The following TMCO4 variants were observed in gnomAD, a reference collection of about 807,000 sequenced individuals.
TMCO4 encodes the protein transmembrane and coiled-coil domain-containing protein 4.
A neutral mutation model predicts 64.7 loss-of-function variants in TMCO4; 58 were observed. The ratio of observed to expected loss-of-function variants is 0.90; its 90% CI spans 0.73 to 1.12. The LOEUF (loss-of-function observed/expected upper bound fraction) is 1.12, where lower values mean the gene tolerates loss of function less well. TMCO4 is among the 50% of genes most tolerant of loss of function. The pLI is 0.00. For missense variants in TMCO4, 780 were observed against 825.9 expected (o/e 0.94, Z 0.68); for synonymous variants, 325 against 346.1 (o/e 0.94, Z 0.68).
chr1:19,765,561 C>G (rs1427503093), intron 6 of TMCO4, among the ~76,000 whole-genome samples: 1 of 152,086 alleles, frequency 6.6e-6, no homozygotes, highest in African/African-American at 2.4e-5. Context: ...AATAGCCCCC[C>G]ACAACAGAAT....
intron 10 of TMCO4, among the ~76,000 whole-genome samples, chr1:19,741,742 C>CTTT (rs11404111): frequency 7.0e-6 from 1 of 142,204 alleles, no homozygotes; most frequent in Non-Finnish European, 1.5e-5. Flanking sequence ...TTCTTTCTTT[C>CTTT]TTTTTTTTTT....
intron 4 of TMCO4, among the ~76,000 whole-genome samples, chr1:19,779,190 G>A (rs2043346550): frequency 6.6e-6 from 1 of 152,130 alleles, no homozygotes; most frequent in Non-Finnish European, 1.5e-5. Context: ...CCATCTCCTG[G>A]CCCAAGTCTT....
intron 4 of TMCO4, 57 bp from the exon 5 acceptor site, chr1:19,771,539 G>C (rs1055561292): frequency 2.5e-5 from 39 of 1,563,074 alleles, no homozygotes; most frequent in Non-Finnish European, 3.0e-5. Context: ...CCTCCACTGG[G>C]CAGTGTAGAT....
chr1:19,715,156 C>T (rs1420415192), intron 13 of TMCO4, among the ~76,000 whole-genome samples: 1 of 152,036 alleles, frequency 6.6e-6, no homozygotes, highest in Non-Finnish European at 1.5e-5. Context: ...CACTTCAGCC[C>T]GGAGGGGGTC....
chr1:19,705,167 C>T (rs907334959), intron 13 of TMCO4, among the ~76,000 whole-genome samples: 2 of 152,164 alleles, frequency 1.3e-5, no homozygotes, highest in Non-Finnish European at 2.9e-5. Context: ...TACACTAACA[C>T]TAGGCGGGCA....
chr1:19,723,938 A>G (rs1254110917), intron 13 of TMCO4, among the ~76,000 whole-genome samples: 1 of 152,186 alleles, frequency 6.6e-6, no homozygotes, highest in African/African-American at 2.4e-5. Flanking sequence ...TAAATAACAG[A>G]GACAACCCAC....
intron 15 of TMCO4, among the ~76,000 whole-genome samples, chr1:19,689,398 C>A (rs1388531469): frequency 1.3e-5 from 2 of 152,172 alleles, no homozygotes; most frequent in Admixed American, 1.3e-4. Context: ...CAGAGGCAAA[C>A]AAACTGGGGG....
At chr1:19,696,708 A>G (rs915807971) in intron 14 of TMCO4, among the ~76,000 whole-genome samples, 2 of 152,222 alleles carry the variant, frequency 1.3e-5, no homozygotes, top group Non-Finnish European at 2.9e-5. Context: ...AAATGTTTCC[A>G]ATACAGCTGG....
intron 5 of TMCO4, 59 bp downstream of exon 5, chr1:19,771,249 T>C (rs995402275): frequency 9.6e-6 from 15 of 1,555,142 alleles, no homozygotes; most frequent in Middle Eastern, 1.7e-4. Context: ...TAGGCTAACA[T>C]TGAAAGAAAA....
At chr1:19,696,821 AG>A (rs1255390434) in intron 14 of TMCO4, among the ~76,000 whole-genome samples, 1 of 152,182 alleles carries the variant, frequency 6.6e-6, no homozygotes, top group Non-Finnish European at 1.5e-5. Context: ...ATACACATGT[AG>A]GGGCAGAGCA....
At chr1:19,761,567 C>A (rs1228678374) in intron 6 of TMCO4, among the ~76,000 whole-genome samples, 2 of 152,226 alleles carry the variant, frequency 1.3e-5, no homozygotes, top group East Asian at 3.8e-4. Context: ...GTCAAATGAA[C>A]TTGAAACAGC....
Position 19,737,387 on chromosome 1 carries a change from TCTC to T in TMCO4, c.1246_1248del (p.Glu416del), listed in dbSNP as rs766945018. ...CCATGCTCACCTTTCTCTTGAGCCA[TCTC>T]CTGCAGACAGAAGTAGATGACTCTG... On this transcript the variant is annotated inframe_deletion, in exon 13 of 16. Coordinates refer to ENST00000294543, the MANE Select transcript of TMCO4 (RefSeq NM_181719.7). The T allele has an allele frequency of 2.5e-6, 4 of 1,613,540 alleles. No individual in the cohort carries two copies. In the Admixed American group the frequency reaches 5.0e-5, roughly 20 times the overall value.
At chr1:19,794,850 G>T (rs1264512093) in intron 2 of TMCO4, among the ~76,000 whole-genome samples, 1 of 152,162 alleles carries the variant, frequency 6.6e-6, no homozygotes, top group African/African-American at 2.4e-5. Context: ...GTTACAACAC[G>T]AATGAACCTT....
chr1:19,781,194 C>G (rs2043457789), intron 3 of TMCO4, among the ~76,000 whole-genome samples: 1 of 149,982 alleles, frequency 6.7e-6, no homozygotes, highest in Admixed American at 6.6e-5. Context: ...GGTATGGTGG[C>G]TCATGCCTCT....
intron 7 of TMCO4, among the ~76,000 whole-genome samples, chr1:19,754,038 T>C (rs2042137723): frequency 6.6e-6 from 1 of 152,152 alleles, no homozygotes; most frequent in Non-Finnish European, 1.5e-5. Flanking sequence ...AGGAACTCTG[T>C]GAGGAGGGCG....
At chr1:19,786,636 T>C (rs893509900) in intron 3 of TMCO4, among the ~76,000 whole-genome samples, 1 of 152,194 alleles carries the variant, frequency 6.6e-6, no homozygotes, top group Non-Finnish European at 1.5e-5. Context: ...ACTAAGGAAT[T>C]AGGCTTCCTT....
chr1:19,745,224 G>A (rs1384309676), intron 10 of TMCO4, among the ~76,000 whole-genome samples: 1 of 144,170 alleles, frequency 6.9e-6, no homozygotes, highest in East Asian at 2.2e-4. Context: ...AGATAGAAGG[G>A]TGGTTAAGTG....
At chr1:19,762,299 A>G (rs1359208447) in intron 6 of TMCO4, among the ~76,000 whole-genome samples, 2 of 152,180 alleles carry the variant, frequency 1.3e-5, no homozygotes, top group Non-Finnish European at 2.9e-5. Flanking sequence ...AGGCACACCT[A>G]AAAGTTACGT....
At chr1:19,686,204 G>A (rs368701639) in intron 15 of TMCO4, among the ~76,000 whole-genome samples, 2 of 152,204 alleles carry the variant, frequency 1.3e-5, no homozygotes, top group African/African-American at 4.8e-5. Context: ...CTGAGATGCT[G>A]CCTGCAGAAG....
Sources: gnomAD v4.1 joint callset for allele counts (sites outside exome capture counted in the v4.1 genomes callset) on GRCh38, gnomAD v4.1.1 for gene constraint, MANE v1.5 for transcripts, NCBI Gene and HGNC (gene_info 2026-07-23, HGNC 2026-07-21) for gene names.